Variants in ITGBL1 observed in about 807,000 individuals in gnomAD.
ITGBL1 encodes the protein integrin subunit beta like 1.
ITGBL1 carries 51 observed loss-of-function variants against 68.5 expected under a neutral mutation model. That is an observed-to-expected ratio of 0.74 (90% CI 0.59 to 0.94). The LOEUF (loss-of-function observed/expected upper bound fraction) is 0.94, where lower values mean the gene tolerates loss of function less well. Among genes scored for constraint, ITGBL1 ranks in the 40% least tolerant of loss-of-function variants. ITGBL1 has a pLI of 0.00. For synonymous variants in ITGBL1, 209 were observed against 227.3 expected (o/e 0.92, Z 0.72); for missense variants, 649 against 647.4 (o/e 1.00, Z -0.03).
intron 2 of ITGBL1, among the ~76,000 whole-genome samples, chr13:101,555,297 G>C (rs1019384380): frequency 6.6e-6 from 1 of 152,042 alleles, no homozygotes; most frequent in African/African-American, 2.4e-5. Flanking sequence ...ACGTCAATAT[G>C]TTGTGCACAT....
chr13:101,678,559 G>A (rs1426026851), intron 7 of ITGBL1, among the ~76,000 whole-genome samples: 1 of 151,468 alleles, frequency 6.6e-6, no homozygotes, highest in Admixed American at 6.6e-5. Context: ...GAGTGCAGTG[G>A]CACGATCTCG....
rs2050205620 is a variant in ITGBL1, at chr13:101,567,790, G to T, written c.408G>T (p.Lys136Asn). The change falls in exon 3 of 11, where the codon AAG (lysine) becomes AAT (asparagine). Residue 136 changes from lysine to asparagine, a missense_variant. By Grantham distance (94) the Lys-to-Asn change is moderately conservative. Coordinates refer to ENST00000376180, the MANE Select transcript of ITGBL1 (RefSeq NM_004791.3). ...CQYPTNCDLTKKKSNQMCKNS... is the reference protein window; with the variant it reads ...CQYPTNCDLTNKKSNQMCKNS... ...ACCCAACTAACTGTGACTTGACAAA[G>T]AAGAAAAGTAACCAAATGTGCAAGA... The T allele has an allele frequency of 2.5e-6, 4 of 1,613,302 alleles. No individual in the cohort carries two copies. Among genetic ancestry groups the T allele is most frequent in the Non-Finnish European group, 3.4e-6 (4 of 1,179,490 alleles).
chr13:101,547,051 C>T (rs991646085), intron 2 of ITGBL1, among the ~76,000 whole-genome samples: 6 of 151,752 alleles, frequency 4.0e-5, no homozygotes, highest in Non-Finnish European at 5.9e-5. Context: ...GGAAATCTTA[C>T]AACAAAAGTC....
chr13:101,471,552 G>A lies in ITGBL1; in HGVS notation c.316+17452G>A, dbSNP rs964366755. Among the ~76,000 whole-genome samples, 49 of 141,934 alleles carry A rather than the reference G, an allele frequency of 3.5e-4. 1 individual carries two copies. Among genetic ancestry groups the A allele is most frequent in the South Asian group, 2.3e-3 (10 of 4,444 alleles). The allele number at this position is 141,934 out of a possible 152,430, so 93.1% of individuals were successfully genotyped here. On this transcript the variant is annotated intron_variant, in intron 2 of 10. Coordinates refer to ENST00000376180, the MANE Select transcript of ITGBL1 (RefSeq NM_004791.3). ...TATGTATGTGTGTGTGTGTGTGTGT[G>A]TGTGTGTGTGTGTGTGTATATATAT...
chr13:101,714,143 C>T, intron 9 of ITGBL1: 1 of 281,708 alleles, frequency 3.5e-6, no homozygotes, highest in Non-Finnish European at 6.6e-6. Flanking sequence ...TTTGGAAGAC[C>T]ATCTATAAGA....
At chr13:101,672,918 T>C (rs1016565331) in intron 7 of ITGBL1, among the ~76,000 whole-genome samples, 3 of 152,184 alleles carry the variant, frequency 2.0e-5, no homozygotes, top group South Asian at 4.1e-4. Context: ...TTTTCTCTCA[T>C]GAAATTAGTG....
At chr13:101,642,808 T>C (rs1357765157) in intron 7 of ITGBL1, among the ~76,000 whole-genome samples, 2 of 152,086 alleles carry the variant, frequency 1.3e-5, no homozygotes, top group South Asian at 4.1e-4. Context: ...CAGCACCATT[T>C]ATTAAATGTG....
chr13:101,507,854 A>G (rs1027452559), intron 2 of ITGBL1, among the ~76,000 whole-genome samples: 6 of 152,336 alleles, frequency 3.9e-5, no homozygotes, highest in Admixed American at 6.5e-5. Context: ...TCCAAGTTGC[A>G]TTCATAAAAC....
chr13:101,693,836 C>CT (rs1049054783), intron 8 of ITGBL1, among the ~76,000 whole-genome samples: 1 of 152,068 alleles, frequency 6.6e-6, no homozygotes, highest in African/African-American at 2.4e-5. Flanking sequence ...TGAGGTTAGA[C>CT]TTTTTTGAAT....
intron 2 of ITGBL1, among the ~76,000 whole-genome samples, chr13:101,457,271 G>T (rs146582842): frequency 1.3e-5 from 2 of 152,308 alleles, no homozygotes; most frequent in East Asian, 3.9e-4. Context: ...GGCATTTAAT[G>T]CAGTGAGAGC....
chr13:101,489,249 A>G (rs77450086), intron 2 of ITGBL1, among the ~76,000 whole-genome samples: 1 of 152,244 alleles, frequency 6.6e-6, no homozygotes, highest in Non-Finnish European at 1.5e-5. Context: ...TAGCCCTGGC[A>G]TTCCAGTCTC....
At chr13:101,625,630 G>A (rs981685275) in intron 7 of ITGBL1, among the ~76,000 whole-genome samples, 1 of 151,638 alleles carries the variant, frequency 6.6e-6, no homozygotes, top group Non-Finnish European at 1.5e-5. Context: ...TAGGCTCACC[G>A]CAACCTCTGT....
At chr13:101,622,174 A>G (rs148459996) in intron 7 of ITGBL1, among the ~76,000 whole-genome samples, 81 of 152,300 alleles carry the variant, frequency 5.3e-4, no homozygotes, top group African/African-American at 1.4e-3. Flanking sequence ...ATTAGATGGA[A>G]GATTTAATGA....
intron 2 of ITGBL1, among the ~76,000 whole-genome samples, chr13:101,552,584 T>C (rs1302603091): frequency 6.6e-6 from 1 of 152,218 alleles, no homozygotes. Context: ...TTAAGTCAGA[T>C]CAAGCAAACT....
chr13:101,522,941 C>G (rs925774781), intron 2 of ITGBL1, among the ~76,000 whole-genome samples: 17 of 152,144 alleles, frequency 1.1e-4, no homozygotes, highest in African/African-American at 3.9e-4. Context: ...TCGCTGCAGG[C>G]AAAATAATGC....
intron 10 of ITGBL1, 44 bp downstream of exon 10, chr13:101,714,595 T>C: frequency 1.7e-6 from 2 of 1,158,604 alleles, no homozygotes; most frequent in Non-Finnish European, 2.6e-6. Flanking sequence ...CACAGTTTGT[T>C]ATAGAGCCAA....
chr13:101,646,409 C>T (rs1371719090), intron 7 of ITGBL1, among the ~76,000 whole-genome samples: 1 of 152,000 alleles, frequency 6.6e-6, no homozygotes, highest in Non-Finnish European at 1.5e-5. Flanking sequence ...TAAGAAATAA[C>T]TTACCCAAAG....
At chr13:101,685,186 C>T (rs747708927) in intron 7 of ITGBL1, among the ~76,000 whole-genome samples, 12 of 151,972 alleles carry the variant, frequency 7.9e-5, no homozygotes, top group Non-Finnish European at 1.5e-4. Flanking sequence ...AAAAATCAGA[C>T]ACTTCTTAAT....
At chr13:101,543,728 C>A (rs1394684184) in intron 2 of ITGBL1, among the ~76,000 whole-genome samples, 1 of 152,146 alleles carries the variant, frequency 6.6e-6, no homozygotes, top group East Asian at 1.9e-4. Context: ...TTCACATAGT[C>A]CCATATTTCT....
Sources: gnomAD v4.1 joint callset for allele counts (sites outside exome capture counted in the v4.1 genomes callset) on GRCh38, gnomAD v4.1.1 for gene constraint, MANE v1.5 for transcripts, NCBI Gene and HGNC (gene_info 2026-07-23, HGNC 2026-07-21) for gene names.